Variants in SEMA5A observed in about 807,000 individuals in gnomAD.
SEMA5A encodes semaphorin 5A.
Under a neutral mutation model 135.5 loss-of-function variants are expected in SEMA5A, and 55 were observed. That is an observed-to-expected ratio of 0.41 (90% confidence interval 0.33 to 0.51). The LOEUF is 0.51. Among genes scored for constraint, SEMA5A ranks in the 20% least tolerant of loss-of-function variants. The probability of loss-of-function intolerance (pLI) is 0.37; values close to 1 mark genes in which losing one functional copy is unlikely to be tolerated. For missense variants in SEMA5A, 1,290 were observed against 1,419.9 expected (o/e 0.91, Z 1.47); for synonymous variants, 580 against 546.5 (o/e 1.06, Z -0.85).
chr5:9,175,186 C>T (rs1227513701), intron 11 of SEMA5A, among the ~76,000 whole-genome samples: 4 of 151,906 alleles, frequency 2.6e-5, no homozygotes, highest in Admixed American at 6.6e-5. Context: ...ATCCAGATCC[C>T]GTGTGTTCAT....
chr5:9,365,878 G>A (rs747694100), intron 3 of SEMA5A, among the ~76,000 whole-genome samples: 26 of 152,092 alleles, frequency 1.7e-4, no homozygotes, highest in Non-Finnish European at 2.8e-4. Context: ...AAAAACCAAG[G>A]GCAAGAGCCA....
intron 11 of SEMA5A, among the ~76,000 whole-genome samples, chr5:9,166,235 G>C (rs1042040130): frequency 2.6e-5 from 4 of 152,134 alleles, no homozygotes; most frequent in Non-Finnish European, 5.9e-5. Context: ...TGACCCTGTT[G>C]GTTTCCAGAA....
chr5:9,214,331 A>G (rs1746501336), intron 8 of SEMA5A, among the ~76,000 whole-genome samples: 1 of 152,186 alleles, frequency 6.6e-6, no homozygotes, highest in South Asian at 2.1e-4. Context: ...GCCCTCTCCA[A>G]TCCAGCTTGT....
At chr5:9,449,957 A>T (rs17258935) in intron 1 of SEMA5A, among the ~76,000 whole-genome samples, 1 of 152,182 alleles carries the variant, frequency 6.6e-6, no homozygotes, top group Non-Finnish European at 1.5e-5. Flanking sequence ...GTCTCAGAAG[A>T]AGCCTTCAAT....
intron 5 of SEMA5A, among the ~76,000 whole-genome samples, chr5:9,317,841 C>T (rs1218860404): frequency 6.6e-6 from 1 of 152,128 alleles, no homozygotes; most frequent in Non-Finnish European, 1.5e-5. Context: ...ATAAATACTT[C>T]ATTTAAGTAC....
At position 9,219,499 on chromosome 5, in the gene SEMA5A, A is replaced by G. The variant is rs114001468; in HGVS notation, c.646+5175T>C. Among the ~76,000 whole-genome samples the G allele has an allele frequency of 6.5e-3, 995 of 152,316 alleles. 3 individuals are homozygous for G. Among genetic ancestry groups the G allele is most frequent in the African/African-American group, 0.023 (957 of 41,568 alleles). On this transcript the variant is annotated intron_variant, in intron 8 of 22. Coordinates refer to ENST00000382496, the MANE Select transcript of SEMA5A (RefSeq NM_003966.3). The stretch of plus-strand genomic sequence containing the variant: ...CAAAAACAGGGTCTTCAAGTGGGTA[A>G]TTAGGTTAAAATGAGGTCATTGGAG...
chr5:9,201,399 A>G (rs371062896), intron 9 of SEMA5A, among the ~76,000 whole-genome samples: 2 of 152,210 alleles, frequency 1.3e-5, no homozygotes, highest in African/African-American at 4.8e-5. Flanking sequence ...AAATACTATA[A>G]TTTTTACAAA....
At chr5:9,499,673 T>C (rs991071472) in intron 1 of SEMA5A, among the ~76,000 whole-genome samples, 1 of 152,352 alleles carries the variant, frequency 6.6e-6, no homozygotes, top group African/African-American at 2.4e-5. Flanking sequence ...AGTATTTTAC[T>C]TCTCTTTTAT....
At chr5:9,339,976 C>G (rs3797985) in intron 3 of SEMA5A, among the ~76,000 whole-genome samples, 99,853 of 152,042 alleles carry the variant, frequency 0.66, 33,824 homozygotes, top group South Asian at 0.76. Flanking sequence ...AGGTAAACAA[C>G]TTAAAAAGAA....
intron 3 of SEMA5A, among the ~76,000 whole-genome samples, chr5:9,376,936 A>C (rs183733): frequency 0.22 from 33,572 of 152,056 alleles, 4,180 homozygotes; most frequent in Middle Eastern, 0.29. Context: ...CAATTCGAAT[A>C]ATCTCTTTCA....
At chr5:9,092,168 C>G (rs1487004390) in intron 16 of SEMA5A, among the ~76,000 whole-genome samples, 2 of 152,120 alleles carry the variant, frequency 1.3e-5, no homozygotes, top group Non-Finnish European at 1.5e-5. Flanking sequence ...CATGGTTGTT[C>G]CAGGCTTATT....
chr5:9,400,436 A>C (rs184614893), intron 2 of SEMA5A, among the ~76,000 whole-genome samples: 1 of 151,788 alleles, frequency 6.6e-6, no homozygotes, highest in Non-Finnish European at 1.5e-5. Flanking sequence ...CAAATTAAAC[A>C]ATCTGAAGAT....
At chr5:9,213,033 A>G (rs1328483112) in intron 8 of SEMA5A, among the ~76,000 whole-genome samples, 7 of 152,190 alleles carry the variant, frequency 4.6e-5, no homozygotes, top group Non-Finnish European at 2.9e-5. Context: ...TCTGGTTCCT[A>G]GCCGGCACCT....
intron 1 of SEMA5A, among the ~76,000 whole-genome samples, chr5:9,439,622 G>T (rs1018381703): frequency 6.6e-6 from 1 of 152,092 alleles, no homozygotes; most frequent in Admixed American, 6.6e-5. Flanking sequence ...GCAGAATATG[G>T]GTCAGTCTCT....
intron 1 of SEMA5A, among the ~76,000 whole-genome samples, chr5:9,533,814 A>T (rs1011532639): frequency 6.6e-6 from 1 of 152,158 alleles, no homozygotes; most frequent in Non-Finnish European, 1.5e-5. Flanking sequence ...TTTTCTTCCC[A>T]CACATAGGAA....
At chr5:9,308,402 G>T (rs897123248) in intron 5 of SEMA5A, among the ~76,000 whole-genome samples, 1 of 152,096 alleles carries the variant, frequency 6.6e-6, no homozygotes, top group Non-Finnish European at 1.5e-5. Context: ...GATTAACAGC[G>T]GTTCTATATA....
intron 5 of SEMA5A, among the ~76,000 whole-genome samples, chr5:9,286,656 A>G (rs548932310): frequency 6.6e-6 from 1 of 152,288 alleles, no homozygotes; most frequent in East Asian, 1.9e-4. Flanking sequence ...CCTTATTCAT[A>G]TGTTTTTATT....
chr5:9,105,856 T>C (rs1739885770), intron 16 of SEMA5A, among the ~76,000 whole-genome samples: 1 of 152,232 alleles, frequency 6.6e-6, no homozygotes, highest in Admixed American at 6.5e-5. Context: ...GAACTGCAGC[T>C]AGAATATGAA....
In SEMA5A at chr5:9,379,995, CTCT is replaced by C. The variant is rs761234992; in HGVS notation, c.-52_-50del. On this transcript the variant is annotated 5_prime_UTR_variant, in exon 3 of 23. Coordinates refer to ENST00000382496, the MANE Select transcript of SEMA5A (RefSeq NM_003966.3). The stretch of plus-strand genomic sequence containing the variant: ...TGGGCACGTGTCTTCTAAACAGAAG[CTCT>C]TCTTCTCCTCATGTGTGGAAAGTGC... The C allele has an allele frequency of 1.9e-6, 3 of 1,561,858 alleles. No individual in the cohort carries two copies. Among genetic ancestry groups the C allele is most frequent in the Admixed American group, 1.9e-5 (1 of 51,448 alleles).
Sources: gnomAD v4.1 joint callset for allele counts (sites outside exome capture counted in the v4.1 genomes callset) on GRCh38, gnomAD v4.1.1 for gene constraint, MANE v1.5 for transcripts, NCBI Gene and HGNC (gene_info 2026-07-23, HGNC 2026-07-21) for gene names.